Variants in ST7 observed in about 807,000 individuals in gnomAD.
ST7 encodes suppressor of tumorigenicity 7 protein.
In ST7, 28 loss-of-function variants were observed where a neutral mutation model predicts 78.7. That is an observed-to-expected ratio of 0.36 (90% CI 0.26 to 0.49). ST7 has a LOEUF of 0.49. Ranked by LOEUF, ST7 falls within the 20% of genes least tolerant of loss-of-function variation. ST7 has a pLI of 0.99. For missense variants in ST7, 418 were observed against 696.0 expected, an observed-to-expected ratio of 0.60 and a Z score of 4.49; for synonymous variants, 247 against 249.6, an observed-to-expected ratio of 0.99 and a Z score of 0.10.
At chr7:117,009,884 G>GT (rs1795318528) in intron 1 of ST7, among the ~76,000 whole-genome samples, 1 of 152,120 alleles carries the variant, frequency 6.6e-6, no homozygotes, top group Admixed American at 6.5e-5. Flanking sequence ...CTACAACCAT[G>GT]TAAGAGATCT....
At chr7:116,968,543 C>A in intron 1 of ST7, 1 of 360,864 alleles carries the variant, frequency 2.8e-6, no homozygotes, top group Non-Finnish European at 5.7e-6. Flanking sequence ...TTTTCTCTTA[C>A]AATCAAATAA....
chr7:117,130,400 G>C (rs559046390), intron 4 of ST7, 91 bp from the exon 5 acceptor site: 1 of 839,198 alleles, frequency 1.2e-6, no homozygotes, highest in African/African-American at 1.8e-5. Context: ...TCAGTTAATG[G>C]TCTATATTTC....
At chr7:117,184,842 A>T (rs1279651029) in intron 10 of ST7, among the ~76,000 whole-genome samples, 1 of 152,232 alleles carries the variant, frequency 6.6e-6, no homozygotes. Context: ...TTTTGATATT[A>T]TACTACAGTT....
Position 117,200,846 on chromosome 7 carries a change from A to G in ST7, c.1255-8941A>G, listed in dbSNP as rs1223593123. Among the ~76,000 whole-genome samples, 9 of 150,870 alleles carry G rather than the reference A, an allele frequency of 6.0e-5. No individual in the cohort carries two copies. In the East Asian group the frequency reaches 1.7e-3, roughly 29 times the overall value. ...TTTTTTTTTTTTTTAAAAAAAAAAG[A>G]AAGCTCATCTAATGTTAATCTAGAA... On this transcript the variant is annotated intron_variant, in intron 12 of 15. Coordinates refer to ENST00000323984, the MANE Select transcript of ST7 (RefSeq NM_001369598.1).
chr7:116,956,850 A>G (rs1792529396), intron 1 of ST7: 1 of 357,010 alleles, frequency 2.8e-6, no homozygotes, highest in Admixed American at 3.8e-5. Context: ...CTACAAGAAT[A>G]CAACTTCCCA....
intron 1 of ST7, among the ~76,000 whole-genome samples, chr7:117,082,183 G>A (rs1799835304): frequency 6.6e-6 from 1 of 152,084 alleles, no homozygotes; most frequent in African/African-American, 2.4e-5. Context: ...TACCTTCACA[G>A]CAATACTTAG....
chr7:117,220,586 A>G (rs1793017191), intron 14 of ST7, among the ~76,000 whole-genome samples: 1 of 152,236 alleles, frequency 6.6e-6, no homozygotes, highest in Admixed American at 6.5e-5. Flanking sequence ...GAGAAACCTT[A>G]TAGGGATAAT....
At chr7:117,194,812 G>C (rs1288108285) in intron 12 of ST7, among the ~76,000 whole-genome samples, 1 of 152,146 alleles carries the variant, frequency 6.6e-6, no homozygotes, top group African/African-American at 2.4e-5. Flanking sequence ...ATTTACACTG[G>C]GGTGGGCATG....
intron 1 of ST7, among the ~76,000 whole-genome samples, chr7:116,992,100 G>A (rs2116390324): frequency 6.6e-6 from 1 of 152,306 alleles, no homozygotes; most frequent in Admixed American, 6.5e-5. Flanking sequence ...TTCATGGGCT[G>A]GTGTTGAGTG....
At chr7:117,169,286 T>C (rs193559) in intron 9 of ST7, among the ~76,000 whole-genome samples, 19,143 of 151,718 alleles carry the variant, frequency 0.13, 2,272 homozygotes, top group African/African-American at 0.31. Flanking sequence ...CAGGTGCGTG[T>C]CACCATGCCT....
intron 1 of ST7, among the ~76,000 whole-genome samples, chr7:116,966,466 G>C (rs748951824): frequency 1.3e-5 from 2 of 151,956 alleles, no homozygotes; most frequent in African/African-American, 2.4e-5. Context: ...GGCCAGGCTG[G>C]TCTTGAACTC....
chr7:117,144,446 G>A (rs1805579335), intron 9 of ST7, among the ~76,000 whole-genome samples: 1 of 149,632 alleles, frequency 6.7e-6, no homozygotes, highest in African/African-American at 2.5e-5. Context: ...TGGGCAGCAT[G>A]ATGAAACCCC....
intron 1 of ST7, among the ~76,000 whole-genome samples, chr7:117,013,292 A>C (rs1398236301): frequency 6.6e-6 from 1 of 152,254 alleles, no homozygotes; most frequent in Non-Finnish European, 1.5e-5. Context: ...ATTATCAGGA[A>C]GAAATTATAT....
chr7:116,969,276 G>C (rs957739930), intron 1 of ST7, among the ~76,000 whole-genome samples: 2 of 151,450 alleles, frequency 1.3e-5, no homozygotes, highest in African/African-American at 4.9e-5. Flanking sequence ...TATCTCCCTA[G>C]AATCCTCTTG....
intron 1 of ST7, among the ~76,000 whole-genome samples, chr7:117,095,962 G>A (rs542447295): frequency 2.5e-4 from 37 of 150,844 alleles, no homozygotes; most frequent in African/African-American, 7.8e-4. Context: ...CAGCTACTCC[G>A]GAGGCTGATG....
At chr7:117,204,926 G>T (rs1791600608) in intron 12 of ST7, among the ~76,000 whole-genome samples, 2 of 152,136 alleles carry the variant, frequency 1.3e-5, no homozygotes, top group African/African-American at 4.8e-5. Flanking sequence ...TACAAGCCAG[G>T]CATGGTGGCA....
At chr7:116,996,365 C>A (rs1381189620) in intron 1 of ST7, among the ~76,000 whole-genome samples, 1 of 152,204 alleles carries the variant, frequency 6.6e-6, no homozygotes, top group Non-Finnish European at 1.5e-5. Context: ...GCGTGAGCCA[C>A]TATGCCCGGC....
At chr7:116,963,406 T>A (rs1195821101) in intron 1 of ST7, among the ~76,000 whole-genome samples, 1 of 152,206 alleles carries the variant, frequency 6.6e-6, no homozygotes, top group Non-Finnish European at 1.5e-5. Flanking sequence ...ATTCCTATAC[T>A]ACCTACTGTG....
At chr7:117,116,613 A>G (rs745989441) in intron 2 of ST7, among the ~76,000 whole-genome samples, 1 of 152,200 alleles carries the variant, frequency 6.6e-6, no homozygotes, top group Non-Finnish European at 1.5e-5. Context: ...AATATTTATT[A>G]GAAGGACGGG....
Sources: gnomAD v4.1 joint callset for allele counts (sites outside exome capture counted in the v4.1 genomes callset) on GRCh38, gnomAD v4.1.1 for gene constraint, MANE v1.5 for transcripts, NCBI Gene and HGNC (gene_info 2026-07-23, HGNC 2026-07-21) for gene names.